The following AIG1 variants were observed in gnomAD, a reference collection of about 807,000 sequenced individuals.
AIG1 encodes the protein androgen induced 1.
A neutral mutation model predicts 31.4 loss-of-function variants in AIG1; 23 were observed. The ratio of observed to expected loss-of-function variants is 0.73; its 90% CI spans 0.53 to 1.04. The LOEUF (loss-of-function observed/expected upper bound fraction) is 1.04, where lower values mean the gene tolerates loss of function less well. Among genes scored for constraint, AIG1 ranks in the 50% least tolerant of loss-of-function variants. The pLI, the probability that AIG1 is intolerant of heterozygous loss-of-function variation, is 0.00. For missense variants in AIG1, 274 were observed against 295.0 expected, an observed-to-expected ratio of 0.93 and a Z score of 0.52; for synonymous variants, 100 against 110.5, an observed-to-expected ratio of 0.90 and a Z score of 0.60.
At chr6:143,178,966 A>C (rs1788463369) in intron 3 of AIG1, among the ~76,000 whole-genome samples, 1 of 152,124 alleles carries the variant, frequency 6.6e-6, no homozygotes, top group South Asian at 2.1e-4. Context: ...GGCAATCCCC[A>C]CCACATAGGG....
At chr6:143,150,025 T>C (rs1417568524) in intron 2 of AIG1, among the ~76,000 whole-genome samples, 2 of 152,232 alleles carry the variant, frequency 1.3e-5, no homozygotes, top group African/African-American at 4.8e-5. Context: ...AGCAGCATCC[T>C]AAAAACTGAA....
chr6:143,203,062 C>T (rs368889347), intron 3 of AIG1, among the ~76,000 whole-genome samples: 34 of 152,300 alleles, frequency 2.2e-4, no homozygotes, highest in African/African-American at 8.2e-4. Context: ...GATACCTCCC[C>T]TATGATGCCA....
At chr6:143,301,730 A>G (rs1033750306) in intron 4 of AIG1, among the ~76,000 whole-genome samples, 2 of 152,146 alleles carry the variant, frequency 1.3e-5, no homozygotes, top group Non-Finnish European at 2.9e-5. Context: ...TTATCTTTAC[A>G]TGGTCCCTCC....
intron 3 of AIG1, among the ~76,000 whole-genome samples, chr6:143,252,543 A>G (rs9386029): frequency 0.013 from 1,941 of 152,298 alleles, 48 homozygotes; most frequent in East Asian, 0.065. Flanking sequence ...TCCTTAATAT[A>G]CTATGAAGTT....
intron 3 of AIG1, among the ~76,000 whole-genome samples, chr6:143,223,893 A>T (rs962869883): frequency 2.6e-5 from 4 of 152,206 alleles, no homozygotes; most frequent in African/African-American, 9.7e-5. Flanking sequence ...ACCAGCTTTA[A>T]TTAAGAAATA....
Position 143,334,181 on chromosome 6 carries a change from C to A in AIG1, c.679+736C>A. ...AATTGAAAGGTGGAAAAAGCGCCAG[C>A]ACAGACATGTAGTGATTGAGTCCTG... On this transcript the variant is annotated intron_variant, in intron 5 of 5. Coordinates refer to ENST00000357847, the MANE Select transcript of AIG1 (RefSeq NM_016108.4). The surrounding 1 kb of genome is among the most constrained non-coding windows in gnomAD (Gnocchi z 5.1). The A allele has an allele frequency of 7.3e-7, 1 of 1,374,812 alleles. No homozygotes were observed. Among genetic ancestry groups the A allele is most frequent in the Non-Finnish European group, 1.0e-6 (1 of 997,676 alleles). 85.2% of individuals were successfully genotyped at this position (1,374,812 alleles called of 1,614,324 possible). A position where few individuals can be genotyped will look rare whatever the true frequency, so the allele number is the denominator to read the frequency against.
intron 1 of AIG1, among the ~76,000 whole-genome samples, chr6:143,079,380 G>A (rs906638438): frequency 6.6e-6 from 1 of 152,046 alleles, no homozygotes; most frequent in African/African-American, 2.4e-5. Context: ...TCAAATAAGG[G>A]GAAGAAAGGA....
chr6:143,097,160 GT>G (rs959805938), intron 1 of AIG1, among the ~76,000 whole-genome samples: 37 of 145,576 alleles, frequency 2.5e-4, no homozygotes, highest in Admixed American at 8.2e-4. Context: ...GAAGTTTTTT[GT>G]TTTTTTTTTT....
At chr6:143,181,751 G>A (rs1788739642) in intron 3 of AIG1, among the ~76,000 whole-genome samples, 1 of 152,150 alleles carries the variant, frequency 6.6e-6, no homozygotes. Context: ...GGGAGACAGG[G>A]AGAGACCAGG....
Position 143,340,982 on chromosome 6 carries a change from GA to G in AIG1, c.*1313del, listed in dbSNP as rs969295192. Among the ~76,000 whole-genome samples the G allele has an allele frequency of 1.1e-3, 161 of 151,830 alleles. 1 individual carries two copies. The highest frequency in any genetic ancestry group is 1.8e-3 in the Non-Finnish European group (125 of 67,942). On this transcript the variant is annotated 3_prime_UTR_variant, in exon 6 of 6. Transcript: ENST00000357847. Reference sequence around the variant, plus strand: ...TGAAAAGCATTAAACTTTTTAATTTGAAAAAAATTTAAACTCAAAAAGTTAA... The same window carrying G: ...TGAAAAGCATTAAACTTTTTAATTTGAAAAAATTTAAACTCAAAAAGTTAA...
chr6:143,238,722 C>A (rs1027174747), intron 3 of AIG1, among the ~76,000 whole-genome samples: 2 of 152,214 alleles, frequency 1.3e-5, no homozygotes, highest in African/African-American at 4.8e-5. Context: ...TTTGAAGGAA[C>A]TGTAATGAGT....
At chr6:143,117,229 A>AAGTGGC (rs982684901) in intron 1 of AIG1, among the ~76,000 whole-genome samples, 1 of 151,846 alleles carries the variant, frequency 6.6e-6, no homozygotes, top group African/African-American at 2.4e-5. Context: ...AGTTAGGGGG[A>AAGTGGC]AGTGGCAGTG....
intron 2 of AIG1, among the ~76,000 whole-genome samples, chr6:143,148,860 C>T (rs899643518): frequency 1.3e-5 from 2 of 151,832 alleles, no homozygotes; most frequent in Non-Finnish European, 2.9e-5. Context: ...AAACCACCAA[C>T]AACCTGCCTT....
chr6:143,238,379 C>G (rs907419788), intron 3 of AIG1, among the ~76,000 whole-genome samples: 8 of 152,286 alleles, frequency 5.3e-5, no homozygotes, highest in South Asian at 2.1e-4. Context: ...AGAAAGGAAT[C>G]CATTATAGAG....
At chr6:143,168,714 G>T (rs914058577) in intron 3 of AIG1, among the ~76,000 whole-genome samples, 1 of 151,956 alleles carries the variant, frequency 6.6e-6, no homozygotes, top group African/African-American at 2.4e-5. Context: ...GAGGTGGGGG[G>T]ATTGCTTGAG....
rs1351211742 is a variant in AIG1, at chr6:143,325,799, C to A, written c.516-7483C>A. Among the ~76,000 whole-genome samples the A allele has an allele frequency of 6.6e-6, 1 of 152,192 alleles. No homozygotes were observed. Among genetic ancestry groups the A allele is most frequent in the African/African-American group, 2.4e-5 (1 of 41,444 alleles). ...GTAATATTTTCTCCTCTGTTCACTT[C>A]TGTTACTGTTTTAAAATGCTAGTAA... is the stretch of plus-strand genomic sequence containing the variant. On this transcript the variant is annotated intron_variant, in intron 4 of 5. Transcript: ENST00000357847. The surrounding 1 kb of genome is among the most constrained non-coding windows in gnomAD (Gnocchi z 4.3).
At chr6:143,059,678 C>T (rs1251938041), upstream of AIG1, among the ~76,000 whole-genome samples, 1 of 152,160 alleles carries the variant, frequency 6.6e-6, no homozygotes, top group African/African-American at 2.4e-5. Context: ...AGGAAAACAT[C>T]CATGGCTTGC....
intron 3 of AIG1, among the ~76,000 whole-genome samples, chr6:143,213,631 C>T (rs1791771986): frequency 1.3e-5 from 2 of 151,348 alleles, no homozygotes; most frequent in African/African-American, 4.9e-5. Context: ...ATCGTCCTCC[C>T]TCAGCCTCCC....
chr6:143,112,476 G>C (rs902308750), intron 1 of AIG1, among the ~76,000 whole-genome samples: 1 of 152,124 alleles, frequency 6.6e-6, no homozygotes, highest in African/African-American at 2.4e-5. Context: ...GGTACTTTTA[G>C]AAATAGGCAC....
Sources: allele counts gnomAD v4.1 joint callset (sites outside exome capture counted in the v4.1 genomes callset), GRCh38; gene constraint gnomAD v4.1.1; non-coding constraint Gnocchi (gnomAD v3.1); transcripts MANE v1.5; gene names NCBI Gene and HGNC (gene_info 2026-07-23, HGNC 2026-07-21).